The following ARID4A variants were observed in gnomAD, a reference collection of about 807,000 sequenced individuals.
ARID4A encodes the protein AT-rich interactive domain-containing protein 4A.
Under a neutral mutation model 148.6 loss-of-function variants are expected in ARID4A, and 39 were observed. The observed-to-expected ratio is 0.26, with a 90% CI of 0.20 to 0.34. The LOEUF is 0.34. Ranked by LOEUF, ARID4A falls within the 10% of genes least tolerant of loss-of-function variation. ARID4A has a pLI of 1.00. For missense variants in ARID4A, 1,265 were observed against 1,449.1 expected (o/e 0.87, Z 2.06); for synonymous variants, 475 against 481.2 (o/e 0.99, Z 0.17).
chr14:58,298,960 C>G (rs1297096439), intron 1 of ARID4A, among the ~76,000 whole-genome samples: 1 of 152,204 alleles, frequency 6.6e-6, no homozygotes, highest in Non-Finnish European at 1.5e-5. Flanking sequence ...CTGGCCGCGC[C>G]GCTAAGTTTG....
Position 58,332,005 on chromosome 14 carries a change from C to G in ARID4A, c.906+1836C>G, listed in dbSNP as rs1003386953. ...GAATGCATTTTCCCTACCCCCCCCC[C>G]CCCAAAAAACCCTGAAATTTTAAAC... On this transcript the variant is annotated intron_variant, in intron 11 of 23. Transcript: ENST00000355431. Among the ~76,000 whole-genome samples, 37 of 146,946 alleles carry G rather than the reference C, an allele frequency of 2.5e-4. 1 individual carries two copies. The South Asian group carries it at 4.5e-3, about 18-fold the overall frequency.
chr14:58,340,857 C>T (rs1026772850), intron 11 of ARID4A, among the ~76,000 whole-genome samples: 6 of 152,178 alleles, frequency 3.9e-5, no homozygotes, highest in African/African-American at 1.4e-4. Context: ...TTTATATTAT[C>T]ATAAATCTTA....
At chr14:58,332,544 T>C (rs1455960241) in intron 11 of ARID4A, among the ~76,000 whole-genome samples, 3 of 152,158 alleles carry the variant, frequency 2.0e-5, no homozygotes, top group Non-Finnish European at 4.4e-5. Context: ...AGTTGCTGAA[T>C]CATTGTAACT....
intron 5 of ARID4A, among the ~76,000 whole-genome samples, chr14:58,317,290 A>G (rs1293559193): frequency 7.6e-6 from 1 of 131,654 alleles, no homozygotes; most frequent in Admixed American, 7.7e-5. Flanking sequence ...CTTCTTTTTT[A>G]TTTTTTTTTT....
chr14:58,351,494 T>C (rs2140243092), intron 16 of ARID4A, 171 bp downstream of exon 16: 1 of 866,734 alleles, frequency 1.2e-6, no homozygotes, highest in Non-Finnish European at 1.7e-6. Flanking sequence ...CCTTTCGGAA[T>C]TGGAGAATAT....
At chr14:58,369,397 A>C (rs1379566952) in intron 23 of ARID4A, among the ~76,000 whole-genome samples, 9 of 152,094 alleles carry the variant, frequency 5.9e-5, no homozygotes, top group Admixed American at 5.9e-4. Flanking sequence ...AGGCAGAGGC[A>C]GGCAGATCAC....
rs71107933 is a variant in ARID4A, at chr14:58,317,624, C to CTTTTTTTTTTTTT, written c.275-906_275-894dup. On this transcript the variant is annotated intron_variant, in intron 5 of 23. Transcript: ENST00000355431. ...TTTTTAAAAAAACCTTTATATTTGT[C>CTTTTTTTTTTTTT]TTTTTTTTTTTTTTTTTTTTTTTTG... Among the ~76,000 whole-genome samples, 52 of 69,856 alleles carry CTTTTTTTTTTTTT rather than the reference C, an allele frequency of 7.4e-4. 1 individual carries two copies. The highest frequency in any genetic ancestry group is 1.3e-3 in the East Asian group (3 of 2,350). 45.8% of individuals were successfully genotyped at this position (69,856 alleles called of 152,430 possible). A position where few individuals can be genotyped will look rare whatever the true frequency, so the allele number is the denominator to read the frequency against.
chr14:58,328,710 T>G (rs1170265565), intron 9 of ARID4A, among the ~76,000 whole-genome samples: 1 of 152,016 alleles, frequency 6.6e-6, no homozygotes, highest in Non-Finnish European at 1.5e-5. Context: ...ATCCAGACTT[T>G]TGGGCCGGGC....
rs1491222874 is a variant in ARID4A, at chr14:58,322,963, C to CCAAAAAA, written c.450-522_450-521insCAAAAAA. Among the ~76,000 whole-genome samples, 146 of 42,210 alleles carry CCAAAAAA rather than the reference C, an allele frequency of 3.5e-3. 3 individuals are homozygous for CCAAAAAA. Among genetic ancestry groups the CCAAAAAA allele is most frequent in the African/African-American group, 0.015 (141 of 9,202 alleles). 27.7% of individuals were successfully genotyped at this position (42,210 alleles called of 152,430 possible). ...GGGTGACAAAGCGAGACTCCATTTC[C>CCAAAAAA]AAAAAAAAAAAAAAAAAATATATAT... is the stretch of plus-strand genomic sequence containing the variant. On this transcript the variant is annotated intron_variant, in intron 7 of 23. Transcript: ENST00000355431.
chr14:58,312,413 G>A (rs1404382600), intron 5 of ARID4A, among the ~76,000 whole-genome samples: 5 of 151,668 alleles, frequency 3.3e-5, no homozygotes, highest in Non-Finnish European at 5.9e-5. Context: ...ACGGGGTTTC[G>A]CCATGTTAGC....
In ARID4A at chr14:58,369,709, C is replaced by T. The variant is rs530122503; in HGVS notation, c.3671-2177C>T. Reference sequence around the variant, plus strand: ...TCTCAGAACAGCATCAAGAGTCTTACATCCGATTTCTCAATGGTAGTACTA... The same window carrying T: ...TCTCAGAACAGCATCAAGAGTCTTATATCCGATTTCTCAATGGTAGTACTA... On this transcript the variant is annotated intron_variant, in intron 23 of 23. Transcript: ENST00000355431. Among the ~76,000 whole-genome samples, 17 of 151,456 alleles carry T rather than the reference C, an allele frequency of 1.1e-4. No homozygotes were observed. In the South Asian group the frequency reaches 2.7e-3, roughly 24 times the overall value.
intron 11 of ARID4A, among the ~76,000 whole-genome samples, chr14:58,343,146 T>C (rs2034193490): frequency 6.6e-6 from 1 of 152,188 alleles, no homozygotes; most frequent in Non-Finnish European, 1.5e-5. Context: ...GATTTTTAAA[T>C]TCACATGGGG....
intron 8 of ARID4A, among the ~76,000 whole-genome samples, chr14:58,325,998 A>C (rs1381290704): frequency 6.6e-6 from 1 of 152,170 alleles, no homozygotes; most frequent in Non-Finnish European, 1.5e-5. Flanking sequence ...AGTAACAGTA[A>C]TATAAAATAG....
intron 5 of ARID4A, among the ~76,000 whole-genome samples, chr14:58,316,950 T>C (rs1330512632): frequency 6.6e-6 from 1 of 151,312 alleles, no homozygotes; most frequent in Non-Finnish European, 1.5e-5. Context: ...CCCAGCACTT[T>C]GGGAGGCTGA....
intron 12 of ARID4A, among the ~76,000 whole-genome samples, 164 bp from the exon 13 acceptor site, chr14:58,346,245 AAC>A (rs917574798): frequency 6.6e-6 from 1 of 150,416 alleles, no homozygotes; most frequent in African/African-American, 2.4e-5. Flanking sequence ...TTATATATAA[AAC>A]AACACAAGAG....
At chr14:58,309,323 A>AT (rs764664692) in intron 5 of ARID4A, among the ~76,000 whole-genome samples, 1 of 152,056 alleles carries the variant, frequency 6.6e-6, no homozygotes, top group African/African-American at 2.4e-5. Flanking sequence ...ACTCAAGGGG[A>AT]TTTTTTTGTT....
At chr14:58,333,662 A>G (rs1344601004) in intron 11 of ARID4A, among the ~76,000 whole-genome samples, 2 of 152,116 alleles carry the variant, frequency 1.3e-5, no homozygotes, top group African/African-American at 4.8e-5. Context: ...GTAAAAAATC[A>G]TAAGTACTTG....
At chr14:58,325,599 G>A (rs2033164640) in intron 8 of ARID4A, among the ~76,000 whole-genome samples, 1 of 152,098 alleles carries the variant, frequency 6.6e-6, no homozygotes, top group African/African-American at 2.4e-5. Context: ...CTTAACATAA[G>A]TATGCCCCTT....
Position 58,373,383 on chromosome 14 carries a change from GT to G in ARID4A, c.*1397del, listed in dbSNP as rs1406474241. The stretch of plus-strand genomic sequence containing the variant: ...TTATAAAAGCAGTTTTTAAATTCAT[GT>G]TTGTACATTGAAAGGGGTTTTTTTT... On this transcript the variant is annotated 3_prime_UTR_variant, in exon 24 of 24. Coordinates refer to ENST00000355431, the MANE Select transcript of ARID4A (RefSeq NM_002892.4). 3 of 183,864 alleles carry G rather than the reference GT, an allele frequency of 1.6e-5. No homozygotes were observed. The highest frequency in any genetic ancestry group is 3.5e-5 in the Non-Finnish European group (3 of 86,716). The allele number at this position is 183,864 out of a possible 1,614,324, so 11.4% of individuals were successfully genotyped here.
Sources: gnomAD v4.1 joint callset for allele counts (sites outside exome capture counted in the v4.1 genomes callset) on GRCh38, gnomAD v4.1.1 for gene constraint, MANE v1.5 for transcripts, NCBI Gene and HGNC (gene_info 2026-07-23, HGNC 2026-07-21) for gene names.